The following NBAS variants were observed in gnomAD, a reference collection of about 807,000 sequenced individuals.
The protein encoded by NBAS is NBAS subunit of NRZ tethering complex.
Under a neutral mutation model 302.5 loss-of-function variants are expected in NBAS, and 219 were observed. That is an observed-to-expected ratio of 0.72 (90% CI 0.65 to 0.81). The LOEUF (loss-of-function observed/expected upper bound fraction) is 0.81, where lower values mean the gene tolerates loss of function less well. Among genes scored for constraint, NBAS ranks in the 30% least tolerant of loss-of-function variants. The pLI, the probability that NBAS is intolerant of heterozygous loss-of-function variation, is 0.00. For synonymous variants in NBAS, 1,118 were observed against 1,021.6 expected (o/e 1.09, Z -1.80); for missense variants, 2,932 against 2,841.6 (o/e 1.03, Z -0.72).
intron 44 of NBAS, among the ~76,000 whole-genome samples, chr2:15,266,829 A>G (rs1262542366): frequency 6.6e-6 from 1 of 152,108 alleles, no homozygotes; most frequent in Non-Finnish European, 1.5e-5. Flanking sequence ...AGAATTCCCA[A>G]ATGTATTTCT....
intron 23 of NBAS, among the ~76,000 whole-genome samples, chr2:15,423,349 T>C (rs1012975944): frequency 1.3e-5 from 2 of 152,096 alleles, no homozygotes; most frequent in African/African-American, 4.8e-5. Flanking sequence ...TCCCAACAGC[T>C]CAGCAAATAA....
chr2:15,423,052 T>G (rs972068167), intron 23 of NBAS, among the ~76,000 whole-genome samples: 9 of 152,222 alleles, frequency 5.9e-5, no homozygotes, highest in Non-Finnish European at 1.3e-4. Context: ...TCATTTATTT[T>G]TTTACAGTTT....
intron 47 of NBAS, among the ~76,000 whole-genome samples, chr2:15,223,173 T>C (rs958294056): frequency 6.6e-6 from 1 of 152,208 alleles, no homozygotes. Flanking sequence ...AAATTGCTTA[T>C]ATTTTGATTT....
intron 40 of NBAS, among the ~76,000 whole-genome samples, chr2:15,299,463 A>C (rs1046280877): frequency 3.3e-5 from 5 of 152,344 alleles, no homozygotes; most frequent in African/African-American, 1.2e-4. Flanking sequence ...TCTTGGTAAT[A>C]TTATTTCGAA....
the NBAS span, among the ~76,000 whole-genome samples, chr2:15,091,687 C>G: frequency 9.9e-5 from 15 of 152,062 alleles, no homozygotes; most frequent in Non-Finnish European, 1.2e-4. Context: ...CGCCTGCCAC[C>G]ATACCTGGCT....
intron 32 of NBAS, among the ~76,000 whole-genome samples, chr2:15,364,274 G>T (rs978652482): frequency 6.6e-6 from 1 of 152,196 alleles, no homozygotes; most frequent in Non-Finnish European, 1.5e-5. Context: ...GGTCACGCCT[G>T]TAATCCCAGC....
intron 6 of NBAS, among the ~76,000 whole-genome samples, chr2:15,541,075 A>G (rs879685036): frequency 1.4e-4 from 21 of 152,052 alleles, no homozygotes; most frequent in Non-Finnish European, 2.1e-4. Flanking sequence ...TTCATCTCCA[A>G]TCTTACTCAT....
At chr2:15,499,793 A>T (rs190057942) in intron 11 of NBAS, among the ~76,000 whole-genome samples, 36 of 152,368 alleles carry the variant, frequency 2.4e-4, no homozygotes, top group Admixed American at 2.2e-3. Flanking sequence ...AAAAGTAAAA[A>T]TTTAAAAAGT....
At chr2:15,072,146 C>G in the NBAS span, among the ~76,000 whole-genome samples, 2 of 152,192 alleles carry the variant, frequency 1.3e-5, no homozygotes, top group African/African-American at 4.8e-5. Flanking sequence ...CAGATGAAAC[C>G]CCCTCTAGCA....
At chr2:15,390,784 A>G (rs1210981362) in intron 28 of NBAS, among the ~76,000 whole-genome samples, 1 of 152,192 alleles carries the variant, frequency 6.6e-6, no homozygotes, top group East Asian at 1.9e-4. Flanking sequence ...ATGATAGCAT[A>G]CAAGAAGGAA....
At chr2:15,199,896 ATTTTTTTTTTTT>A (rs35760010) in intron 48 of NBAS, among the ~76,000 whole-genome samples, 1 of 121,450 alleles carries the variant, frequency 8.2e-6, no homozygotes, top group Non-Finnish European at 1.7e-5. Flanking sequence ...AGAAAGCTGG[ATTTTTTTTTTTT>A]TTTTTTTTTT....
chr2:15,101,749 G>T, the NBAS span, among the ~76,000 whole-genome samples: 1 of 152,160 alleles, frequency 6.6e-6, no homozygotes, highest in East Asian at 1.9e-4. Context: ...GAAAGGGGAA[G>T]ATATTGTCCT....
At chr2:15,053,992 AT>A in the NBAS span, among the ~76,000 whole-genome samples, 1 of 151,798 alleles carries the variant, frequency 6.6e-6, no homozygotes, top group Non-Finnish European at 1.5e-5. Context: ...TTGAGGCATT[AT>A]GGTGGGGTGA....
chr2:15,245,722 C>T (rs1002468776), intron 44 of NBAS, among the ~76,000 whole-genome samples: 3 of 151,916 alleles, frequency 2.0e-5, no homozygotes, highest in Non-Finnish European at 2.9e-5. Flanking sequence ...TGAGGAAGCA[C>T]GTAAGTAGGA....
chr2:15,221,396 T>C (rs1405017166), intron 47 of NBAS, among the ~76,000 whole-genome samples: 4 of 152,170 alleles, frequency 2.6e-5, no homozygotes, highest in Non-Finnish European at 5.9e-5. Context: ...AAGTACTTAA[T>C]AAATAGTAAC....
the NBAS span, among the ~76,000 whole-genome samples, chr2:14,938,449 G>A: frequency 6.6e-6 from 1 of 152,224 alleles, no homozygotes; most frequent in African/African-American, 2.4e-5. Flanking sequence ...CTCTGCTAAT[G>A]AGTGTCAGAA....
At chr2:15,074,992 G>A in the NBAS span, among the ~76,000 whole-genome samples, 481 of 152,268 alleles carry the variant, frequency 3.2e-3, 1 homozygote, top group Non-Finnish European at 5.1e-3. Flanking sequence ...CTGGTAGAAT[G>A]TAATTTGACA....
the NBAS span, among the ~76,000 whole-genome samples, chr2:14,809,917 C>A: frequency 6.6e-6 from 1 of 152,202 alleles, no homozygotes; most frequent in Non-Finnish European, 1.5e-5. Context: ...GACACGGAGC[C>A]AAACGAGATC....
At chr2:14,900,540 C>A in the NBAS span, among the ~76,000 whole-genome samples, 2 of 152,174 alleles carry the variant, frequency 1.3e-5, no homozygotes, top group Non-Finnish European at 2.9e-5. Context: ...TGCCAGGAAA[C>A]CTTCCCAAAT....
Sources: gnomAD v4.1 joint callset for allele counts (sites outside exome capture counted in the v4.1 genomes callset) on GRCh38, gnomAD v4.1.1 for gene constraint, MANE v1.5 for transcripts, NCBI Gene and HGNC (gene_info 2026-07-23, HGNC 2026-07-21) for gene names.